The following JAM3 variants were observed in gnomAD, a reference collection of about 807,000 sequenced individuals.
The protein encoded by JAM3 is junctional adhesion molecule 3.
A neutral mutation model predicts 39.4 loss-of-function variants in JAM3; 31 were observed. The ratio of observed to expected loss-of-function variants is 0.79; its 90% CI spans 0.59 to 1.06. JAM3 has a LOEUF of 1.06. Ranked by LOEUF, JAM3 falls within the 50% of genes least tolerant of loss-of-function variation. The pLI is 0.00. For synonymous variants in JAM3, 182 were observed against 148.7 expected (o/e 1.22, Z -1.63); for missense variants, 455 against 391.4 (o/e 1.16, Z -1.37).
chr11:134,092,181 G>C, intron 1 of JAM3, among the ~76,000 whole-genome samples: 1 of 152,090 alleles, frequency 6.6e-6, no homozygotes, highest in Non-Finnish European at 1.5e-5. Context: ...CTGCTCCCTT[G>C]GCTCACTTTC....
At chr11:134,132,815 C>T (rs1258492474) in intron 1 of JAM3, among the ~76,000 whole-genome samples, 1 of 152,152 alleles carries the variant, frequency 6.6e-6, no homozygotes, top group African/African-American at 2.4e-5. Flanking sequence ...AGACTGGGCC[C>T]CATAGAGTTT....
intron 1 of JAM3, among the ~76,000 whole-genome samples, chr11:134,116,834 A>G (rs182058539): frequency 6.6e-6 from 1 of 152,262 alleles, no homozygotes; most frequent in Non-Finnish European, 1.5e-5. Flanking sequence ...TGTTAAAATA[A>G]ACATTAGTTT....
intron 6 of JAM3, 49 bp downstream of exon 6, chr11:134,146,094 A>G (rs769932418): frequency 1.6e-6 from 2 of 1,226,926 alleles, no homozygotes; most frequent in South Asian, 2.4e-5. Context: ...GGAAGTGAAT[A>G]GAACATTTTA....
At chr11:134,073,207 C>A (rs1941511314) in intron 1 of JAM3, among the ~76,000 whole-genome samples, 1 of 152,126 alleles carries the variant, frequency 6.6e-6, no homozygotes, top group Non-Finnish European at 1.5e-5. Flanking sequence ...GCCCTTGTTT[C>A]TGATGTCCCA....
chr11:134,141,520 G>T (rs1167907885), intron 3 of JAM3, among the ~76,000 whole-genome samples: 2 of 152,096 alleles, frequency 1.3e-5, no homozygotes, highest in Middle Eastern at 3.2e-3. Flanking sequence ...AGGCGAGCAT[G>T]GGCGGTATCT....
At chr11:134,146,901 T>C (rs1272243798) in intron 6 of JAM3, among the ~76,000 whole-genome samples, 1 of 152,150 alleles carries the variant, frequency 6.6e-6, no homozygotes, top group Non-Finnish European at 1.5e-5. Flanking sequence ...TCCTCCCTAT[T>C]TGGAGCTCTC....
At chr11:134,074,662 A>G (rs1941536001) in intron 1 of JAM3, among the ~76,000 whole-genome samples, 1 of 152,150 alleles carries the variant, frequency 6.6e-6, no homozygotes, top group Non-Finnish European at 1.5e-5. Flanking sequence ...CACACTGACA[A>G]AACGATCTGA....
In JAM3 at chr11:134,102,450, A is replaced by G. The variant is rs537296271; in HGVS notation, c.76+33291A>G. 3.3e-5 allele frequency among the ~76,000 whole-genome samples: 5 copies of G among 152,352 alleles called. No homozygotes were observed. The South Asian group carries it at 8.3e-4, about 25-fold the overall frequency. ...AGAAAAGCTGAAAATTCTAAAAATC[A>G]GAGCGCTTCTCCCCCTCCAAAGGAC... is the stretch of plus-strand genomic sequence containing the variant. On this transcript the variant is annotated intron_variant, in intron 1 of 8. Transcript: ENST00000299106.
intron 3 of JAM3, among the ~76,000 whole-genome samples, chr11:134,141,292 G>A (rs957789870): frequency 5.9e-5 from 9 of 152,144 alleles, no homozygotes; most frequent in African/African-American, 9.7e-5. Context: ...CTCTGGGTGC[G>A]GTGTGAAGGG....
In JAM3 at chr11:134,144,952, T is replaced by C; in HGVS notation, c.570T>C (p.Phe190=). 1 of 1,614,226 alleles carries C rather than the reference T, an allele frequency of 6.2e-7. No homozygotes were observed. The highest frequency in any genetic ancestry group is 8.5e-7 in the Non-Finnish European group (1 of 1,180,046). ...CGGATTCCAGAGCCAATCCCAGATT[T>C]CGCAATTCTTCTTTCCACTTAAACT... The part of the protein sequence containing the change: ...LPTDSRANPR[F]RNSSFHLNSE... Residue 190 remains phenylalanine, a synonymous_variant, in exon 5 of 9, where the codon TTT becomes TTC. Coordinates refer to ENST00000299106, the MANE Select transcript of JAM3 (RefSeq NM_032801.5).
At chr11:134,094,450 C>T (rs1334270086) in intron 1 of JAM3, among the ~76,000 whole-genome samples, 1 of 137,440 alleles carries the variant, frequency 7.3e-6, no homozygotes, top group Admixed American at 7.1e-5. Flanking sequence ...CTGAACCCTC[C>T]TTATTCATCA....
chr11:134,091,052 A>G (rs1341668256), intron 1 of JAM3, among the ~76,000 whole-genome samples: 2 of 152,122 alleles, frequency 1.3e-5, no homozygotes, highest in Non-Finnish European at 2.9e-5. Flanking sequence ...CATTCTTTTC[A>G]TTGGGCATCA....
At position 134,150,189 on chromosome 11, in the gene JAM3, T is replaced by C. The variant is rs148131282; in HGVS notation, c.*1008T>C. The C allele has an allele frequency of 6.5e-6, 1 of 152,978 alleles. No homozygotes were observed. The highest frequency in any genetic ancestry group is 1.9e-4 in the East Asian group (1 of 5,194). 9.5% of individuals were successfully genotyped at this position (152,978 alleles called of 1,614,324 possible). A position where few individuals can be genotyped will look rare whatever the true frequency, so the allele number is the denominator to read the frequency against. On this transcript the variant is annotated 3_prime_UTR_variant, in exon 9 of 9. Transcript: ENST00000299106. ...CTTTTTCACAAGGGAACTCATACTG[T>C]CTACACATCAGACCATAGTTGCTTA...
chr11:134,115,145 T>C (rs76641484), intron 1 of JAM3, among the ~76,000 whole-genome samples: 3,722 of 152,316 alleles, frequency 0.024, 159 homozygotes, highest in African/African-American at 0.085. Context: ...ACCTTTTTTA[T>C]CCCTGGTAAT....
intron 1 of JAM3, among the ~76,000 whole-genome samples, chr11:134,134,266 A>G (rs1262435339): frequency 6.6e-6 from 1 of 152,126 alleles, no homozygotes; most frequent in African/African-American, 2.4e-5. Flanking sequence ...ATACTTGTAA[A>G]TGATAATACC....
At position 134,085,017 on chromosome 11, in the gene JAM3, A is replaced by G. The variant is rs114641184; in HGVS notation, c.76+15858A>G. On this transcript the variant is annotated intron_variant, in intron 1 of 8. Coordinates refer to ENST00000299106, the MANE Select transcript of JAM3 (RefSeq NM_032801.5). The stretch of plus-strand genomic sequence containing the variant: ...GGTAGTTGTTCTTGCTGGGCATCTC[A>G]GTATTGGAATGGCTGCCAGGAATAC... Among the ~76,000 whole-genome samples the G allele has an allele frequency of 8.8e-3, 1,336 of 152,256 alleles. 20 individuals are homozygous for G. The highest frequency in any genetic ancestry group is 0.03 in the African/African-American group (1,238 of 41,536).
At chr11:134,142,106 C>T (rs915243879) in intron 3 of JAM3, among the ~76,000 whole-genome samples, 2 of 152,108 alleles carry the variant, frequency 1.3e-5, no homozygotes, top group Non-Finnish European at 2.9e-5. Flanking sequence ...AAACCCTGAG[C>T]ATGTAGTTAG....
Position 134,149,531 on chromosome 11 carries a change from T to C in JAM3, c.*350T>C, listed in dbSNP as rs1246891621. 2.6e-5 allele frequency: 13 copies of C among 501,228 alleles called. No individual in the cohort carries two copies. The highest frequency in any genetic ancestry group is 4.3e-5 in the Non-Finnish European group (11 of 258,662). 31.0% of individuals were successfully genotyped at this position (501,228 alleles called of 1,614,324 possible). A position where few individuals can be genotyped will look rare whatever the true frequency, so the allele number is the denominator to read the frequency against. On this transcript the variant is annotated 3_prime_UTR_variant, in exon 9 of 9. Coordinates refer to ENST00000299106, the MANE Select transcript of JAM3 (RefSeq NM_032801.5). Reference sequence around the variant, plus strand: ...CGTGCTGGGCCCTGTGAAGCCAGCATGTTCACCACTGGTCGTTCAGCAGCC... The same window carrying C: ...CGTGCTGGGCCCTGTGAAGCCAGCACGTTCACCACTGGTCGTTCAGCAGCC...
At chr11:134,080,473 G>A (rs1017479543) in intron 1 of JAM3, among the ~76,000 whole-genome samples, 1 of 152,186 alleles carries the variant, frequency 6.6e-6, no homozygotes, top group Non-Finnish European at 1.5e-5. Flanking sequence ...ATTGAATCAT[G>A]GGGTGGGTCT....
Sources: gnomAD v4.1 joint callset for allele counts (sites outside exome capture counted in the v4.1 genomes callset) on GRCh38, gnomAD v4.1.1 for gene constraint, MANE v1.5 for transcripts, NCBI Gene and HGNC (gene_info 2026-07-23, HGNC 2026-07-21) for gene names.